The following DDX50 variants were observed in gnomAD, a reference collection of about 807,000 sequenced individuals.
DDX50 encodes ATP-dependent RNA helicase DDX50.
Under a neutral mutation model 94.8 loss-of-function variants are expected in DDX50, and 56 were observed. That is an observed-to-expected ratio of 0.59 (90% CI 0.48 to 0.74). DDX50 has a LOEUF of 0.74. Among genes scored for constraint, DDX50 ranks in the 30% least tolerant of loss-of-function variants. DDX50 has a pLI of 0.00. For synonymous variants in DDX50, 264 were observed against 295.4 expected (o/e 0.89, Z 1.09); for missense variants, 713 against 881.2 (o/e 0.81, Z 2.42).
intron 7 of DDX50, among the ~76,000 whole-genome samples, chr10:68,918,215 C>T (rs1225072415): frequency 2.6e-5 from 4 of 151,830 alleles, no homozygotes; most frequent in Admixed American, 1.3e-4. Context: ...TGAGCCACTG[C>T]GCCCTGCCTA....
At chr10:68,913,340 A>G (rs765421104) in intron 5 of DDX50, 51 bp from the exon 6 acceptor site, 1 of 1,601,334 alleles carries the variant, frequency 6.2e-7, no homozygotes, top group South Asian at 1.1e-5. Context: ...TTAAATAAAT[A>G]ATGTGAAAGT....
intron 11 of DDX50, 84 bp from the exon 12 acceptor site, chr10:68,936,852 A>T (rs1564616686): frequency 7.3e-7 from 1 of 1,379,186 alleles, no homozygotes; most frequent in African/African-American, 1.5e-5. Context: ...AAAAAAAAAA[A>T]TTACTCCTTC....
At position 68,935,933 on chromosome 10, in the gene DDX50, C is replaced by T. The variant is rs1428709356; in HGVS notation, c.1522-73C>T. On this transcript the variant is annotated intron_variant, in intron 10 of 14. Transcript: ENST00000373585. ...ATGCAAGAAATAGAAATTCAACGAA[C>T]TATTAAAATATTAATTTAGGAATTA... The T allele has an allele frequency of 3.1e-6, 3 of 981,688 alleles. No individual in the cohort carries two copies. The Admixed American group carries it at 7.0e-5, about 23-fold the overall frequency. The allele number at this position is 981,688 out of a possible 1,614,324, so 60.8% of individuals were successfully genotyped here.
intron 8 of DDX50, among the ~76,000 whole-genome samples, chr10:68,924,129 G>A (rs1326961378): frequency 2.0e-5 from 3 of 149,098 alleles, no homozygotes; most frequent in Non-Finnish European, 3.0e-5. Flanking sequence ...GTGGCACCAC[G>A]CCCAGCTAAT....
At chr10:68,935,758 C>T (rs1842390605) in intron 10 of DDX50, among the ~76,000 whole-genome samples, 1 of 152,028 alleles carries the variant, frequency 6.6e-6, no homozygotes, top group South Asian at 2.1e-4. Flanking sequence ...TTGCTTGAGC[C>T]CAGGAGGTGG....
At chr10:68,925,280 T>C (rs977863524) in intron 8 of DDX50, among the ~76,000 whole-genome samples, 1 of 151,784 alleles carries the variant, frequency 6.6e-6, no homozygotes, top group Non-Finnish European at 1.5e-5. Context: ...ATTTTTTTTT[T>C]TTTATTTTTA....
intron 2 of DDX50, 88 bp from the exon 3 acceptor site, chr10:68,910,219 C>A: frequency 1.7e-6 from 2 of 1,162,740 alleles, no homozygotes; most frequent in South Asian, 1.4e-5. Flanking sequence ...ACTAATTTTC[C>A]TTGTAAGTTA....
chr10:68,937,919 C>T (rs1032300390), intron 12 of DDX50, among the ~76,000 whole-genome samples: 8 of 151,988 alleles, frequency 5.3e-5, no homozygotes, highest in African/African-American at 1.4e-4. Context: ...GAAAGTAAGT[C>T]GAAACACCGT....
intron 1 of DDX50, 30 bp from the exon 2 acceptor site, chr10:68,906,681 T>C (rs1380870258): frequency 6.3e-7 from 1 of 1,592,388 alleles, no homozygotes; most frequent in Non-Finnish European, 8.5e-7. Context: ...CCTCTGACCA[T>C]CTTGTCATTG....
rs778596049 is a variant in DDX50 at position 68,922,166 on chromosome 10, C to T, written c.1239+2185C>T. 7.2e-4 allele frequency among the ~76,000 whole-genome samples: 110 copies of T among 151,804 alleles called. 1 individual carries two copies. Among genetic ancestry groups the T allele is most frequent in the Non-Finnish European group, 1.2e-3 (84 of 67,950 alleles). ...CACATCAAATCTTTTTCCTCTTTTT[C>T]CTTATTCAGTTTTCAAAATTTCTCT... On this transcript the variant is annotated intron_variant, in intron 8 of 14. Coordinates refer to ENST00000373585, the MANE Select transcript of DDX50 (RefSeq NM_024045.2).
At chr10:68,913,957 T>G in intron 6 of DDX50, 102 bp from the exon 7 acceptor site, 1 of 1,197,384 alleles carries the variant, frequency 8.4e-7, no homozygotes, top group South Asian at 1.8e-5. Flanking sequence ...CACCCCAAGT[T>G]TTACATTTTT....
intron 8 of DDX50, among the ~76,000 whole-genome samples, chr10:68,922,423 A>G (rs1281547781): frequency 6.6e-6 from 1 of 151,882 alleles, no homozygotes; most frequent in Non-Finnish European, 1.5e-5. Flanking sequence ...TTTTATTTCT[A>G]CTTCTTTCTT....
chr10:68,915,796 A>G (rs1841771867), intron 7 of DDX50, among the ~76,000 whole-genome samples: 1 of 152,144 alleles, frequency 6.6e-6, no homozygotes, highest in Non-Finnish European at 1.5e-5. Flanking sequence ...TCATCTTTCT[A>G]TTTAATAGAT....
chr10:68,924,961 G>A (rs1842041315), intron 8 of DDX50, among the ~76,000 whole-genome samples: 1 of 152,098 alleles, frequency 6.6e-6, no homozygotes, highest in Admixed American at 6.6e-5. Context: ...AACAATTTGA[G>A]AATATGCCTT....
chr10:68,911,106 A>G lies in DDX50; in HGVS notation c.499A>G (p.Thr167Ala). 12 of 1,582,928 alleles carry G rather than the reference A, an allele frequency of 7.6e-6. No individual in the cohort carries two copies. Among genetic ancestry groups the G allele is most frequent in the Non-Finnish European group, 1.0e-5 (12 of 1,166,794 alleles). The change falls in exon 4 of 15, where the codon ACC becomes GCC. Residue 167 changes from threonine (T) to alanine (A), a missense_variant. Physicochemically the swap from Thr to Ala is moderately conservative, Grantham distance 58 (BLOSUM62 0). Coordinates refer to ENST00000373585, the MANE Select transcript of DDX50 (RefSeq NM_024045.2). ...VTYLFPIQVK[T>A]FGPVYEGKDL... is the part of the protein sequence containing the mutation. ...ATATCTCTTTCCTATTCAAGTTAAGACCTTTGGTCCTGTATATGAAGGAAA... is the reference window on the plus strand; with the variant it reads ...ATATCTCTTTCCTATTCAAGTTAAGGCCTTTGGTCCTGTATATGAAGGAAA...
At chr10:68,935,497 T>A (rs1842381478) in intron 10 of DDX50, among the ~76,000 whole-genome samples, 1 of 152,088 alleles carries the variant, frequency 6.6e-6, no homozygotes, top group African/African-American at 2.4e-5. Context: ...ATTCAAAAAA[T>A]TATTTTTCTC....
intron 2 of DDX50, among the ~76,000 whole-genome samples, chr10:68,907,796 T>C (rs1042457503): frequency 6.6e-6 from 1 of 151,994 alleles, no homozygotes; most frequent in Admixed American, 6.6e-5. Flanking sequence ...CTAAATAAGG[T>C]CCTTTAAATC....
intron 7 of DDX50, among the ~76,000 whole-genome samples, chr10:68,914,551 A>G (rs1003401454): frequency 6.6e-6 from 1 of 152,256 alleles, no homozygotes; most frequent in African/African-American, 2.4e-5. Flanking sequence ...TTGACTAGAA[A>G]AGAATAGTGC....
In DDX50 at chr10:68,934,675, T is replaced by C; in HGVS notation, c.1402-124T>C. On this transcript the variant is annotated intron_variant, in intron 9 of 14. Coordinates refer to ENST00000373585, the MANE Select transcript of DDX50 (RefSeq NM_024045.2). This position sits in a 1 kb window ranked among gnomAD's most constrained non-coding sequence, Gnocchi z 4.0. Reference sequence around the variant, plus strand: ...CCCCAAAATCCACACATATAAATTGTTTGGAATGTTGAAAAGGGCAACAGG... The same window carrying C: ...CCCCAAAATCCACACATATAAATTGCTTGGAATGTTGAAAAGGGCAACAGG... The C allele has an allele frequency of 2.3e-5, 27 of 1,198,788 alleles. No homozygotes were observed. The South Asian group carries it at 3.6e-4, about 16-fold the overall frequency. The allele number at this position is 1,198,788 out of a possible 1,614,324, so 74.3% of individuals were successfully genotyped here.
Sources: allele counts gnomAD v4.1 joint callset (sites outside exome capture counted in the v4.1 genomes callset), GRCh38; gene constraint gnomAD v4.1.1; non-coding constraint Gnocchi (gnomAD v3.1); transcripts MANE v1.5; gene names NCBI Gene and HGNC (gene_info 2026-07-23, HGNC 2026-07-21).